MICAL2: variants seen among roughly 807,000 people sequenced by gnomAD.
MICAL2 encodes microtubule associated monooxygenase, calponin and LIM domain containing 2, also known as [F-actin]-monooxygenase MICAL2.
A neutral mutation model predicts 127.3 loss-of-function variants in MICAL2; 77 were observed. That is an observed-to-expected ratio of 0.60 (90% CI 0.50 to 0.73). MICAL2 has a LOEUF of 0.73. Ranked by LOEUF, MICAL2 falls within the 30% of genes least tolerant of loss-of-function variation. The probability of loss-of-function intolerance (pLI) is 0.00; values close to 1 mark genes in which losing one functional copy is unlikely to be tolerated. For synonymous variants in MICAL2, 570 were observed against 551.1 expected (o/e 1.03, Z -0.48); for missense variants, 1,351 against 1,434.4 (o/e 0.94, Z 0.94).
At chr11:12,332,882 T>C (rs1440458414) in intron 32 of MICAL2, among the ~76,000 whole-genome samples, 2 of 152,166 alleles carry the variant, frequency 1.3e-5, no homozygotes, top group African/African-American at 4.8e-5. Flanking sequence ...GTTCAGAGGA[T>C]GGTAGGGCCT....
At chr11:12,324,935 AACAAG>A (rs1401758029) in intron 31 of MICAL2, among the ~76,000 whole-genome samples, 1 of 152,148 alleles carries the variant, frequency 6.6e-6, no homozygotes, top group Non-Finnish European at 1.5e-5. Flanking sequence ...TCCTTCCAAG[AACAAG>A]ACAAGTCTTA....
chr11:12,202,051 G>A (rs1854081061), intron 3 of MICAL2, among the ~76,000 whole-genome samples: 1 of 152,012 alleles, frequency 6.6e-6, no homozygotes, highest in African/African-American at 2.4e-5. Context: ...GAACCCAGGA[G>A]ACAGAGGTTG....
intron 32 of MICAL2, among the ~76,000 whole-genome samples, chr11:12,328,637 G>T (rs1481839037): frequency 6.6e-6 from 1 of 152,000 alleles, no homozygotes; most frequent in African/African-American, 2.4e-5. Context: ...TTTGTTGGGG[G>T]TATTGTCTCT....
chr11:12,262,053 CTGTG>C, intron 26 of MICAL2: 3 of 1,067,392 alleles, frequency 2.8e-6, no homozygotes, highest in Non-Finnish European at 3.4e-6. Flanking sequence ...GTTTGAATTA[CTGTG>C]GCGAGACAGG....
chr11:12,325,450 T>C (rs1431158843), intron 31 of MICAL2, among the ~76,000 whole-genome samples: 1 of 152,178 alleles, frequency 6.6e-6, no homozygotes, highest in Admixed American at 6.5e-5. Context: ...ATTCGTCTGC[T>C]TGGGCTGCCA....
At chr11:12,137,257 G>A (rs370196673) in intron 1 of MICAL2, among the ~76,000 whole-genome samples, 3 of 146,890 alleles carry the variant, frequency 2.0e-5, no homozygotes, top group African/African-American at 5.0e-5. Flanking sequence ...CTTGGAGCTC[G>A]CCAGGCTCGC....
At chr11:12,254,052 A>G (rs1320737609) in intron 22 of MICAL2, 1 of 152,152 alleles carries the variant, frequency 6.6e-6, no homozygotes, top group Non-Finnish European at 1.5e-5. Flanking sequence ...TCGTTCCAGC[A>G]AAGGATGCTC....
chr11:12,315,121 G>A (rs7937533), intron 29 of MICAL2, among the ~76,000 whole-genome samples: 36,832 of 152,032 alleles, frequency 0.24, 4,843 homozygotes, highest in East Asian at 0.44. Flanking sequence ...AATATAGACT[G>A]CAAGTTGACA....
intron 3 of MICAL2, among the ~76,000 whole-genome samples, chr11:12,171,251 C>A (rs1856220482): frequency 6.6e-6 from 1 of 152,170 alleles, no homozygotes; most frequent in African/African-American, 2.4e-5. Context: ...AACCCTCTTG[C>A]AGCTCCTGGC....
downstream of MICAL2, chr11:12,294,353 T>A: frequency 3.7e-6 from 6 of 1,614,198 alleles, no homozygotes; most frequent in Non-Finnish European, 5.1e-6. Context: ...CGCACAGGCC[T>A]GCACTCGCTC....
intron 2 of MICAL2, among the ~76,000 whole-genome samples, chr11:12,143,825 G>T (rs553320701): frequency 4.6e-5 from 7 of 152,300 alleles, no homozygotes; most frequent in Middle Eastern, 3.4e-3. Context: ...TGTTTTTAAG[G>T]ATGACATTTG....
intron 2 of MICAL2, among the ~76,000 whole-genome samples, chr11:12,157,544 T>A (rs1565058685): frequency 6.6e-6 from 1 of 152,204 alleles, no homozygotes; most frequent in African/African-American, 2.4e-5. Flanking sequence ...ACTTAAAGCA[T>A]CACATCTTGT....
chr11:12,183,866 A>T (rs568618337), intron 3 of MICAL2, among the ~76,000 whole-genome samples: 144 of 152,196 alleles, frequency 9.5e-4, no homozygotes, highest in African/African-American at 3.4e-3. Flanking sequence ...TGCAACCTCC[A>T]TCTCCTGGGC....
chr11:12,112,370 G>A (rs1849675287), intron 1 of MICAL2, among the ~76,000 whole-genome samples: 1 of 152,160 alleles, frequency 6.6e-6, no homozygotes, highest in Non-Finnish European at 1.5e-5. Flanking sequence ...CAAGAGTAGT[G>A]GATAGTGTTG....
chr11:12,190,869 C>G (rs1014546963), intron 3 of MICAL2, among the ~76,000 whole-genome samples: 1 of 152,188 alleles, frequency 6.6e-6, no homozygotes, highest in Admixed American at 6.5e-5. Flanking sequence ...AAAATAGTTC[C>G]TACCTTATAA....
chr11:12,118,028 C>T (rs1361750794), intron 1 of MICAL2, among the ~76,000 whole-genome samples: 1 of 152,164 alleles, frequency 6.6e-6, no homozygotes, highest in African/African-American at 2.4e-5. Context: ...GGAGTTGCCA[C>T]ACATTACTGT....
downstream of MICAL2, among the ~76,000 whole-genome samples, chr11:12,268,427 C>A (rs78520329): frequency 0.019 from 2,963 of 152,302 alleles, 107 homozygotes; most frequent in African/African-American, 0.068. Context: ...CCACACACAT[C>A]CTCTGTCCCC....
chr11:12,141,824 T>C (rs769509314), intron 2 of MICAL2, among the ~76,000 whole-genome samples: 4 of 152,148 alleles, frequency 2.6e-5, no homozygotes, highest in Non-Finnish European at 5.9e-5. Context: ...GGGAATAGCA[T>C]TGGTAGAAGG....
At chr11:12,182,604 G>T (rs745793950) in intron 3 of MICAL2, among the ~76,000 whole-genome samples, 18 of 152,274 alleles carry the variant, frequency 1.2e-4, no homozygotes, top group Non-Finnish European at 2.2e-4. Flanking sequence ...TTAGTAGATG[G>T]CCTCTCTAAG....
Sources: allele counts gnomAD v4.1 joint callset (sites outside exome capture counted in the v4.1 genomes callset), GRCh38; gene constraint gnomAD v4.1.1; transcripts MANE v1.5; gene names NCBI Gene and HGNC (gene_info 2026-07-23, HGNC 2026-07-21).